The following ALCAM variants were observed in gnomAD, a reference collection of about 807,000 sequenced individuals.
ALCAM encodes activated leukocyte cell adhesion molecule, also known as CD166 antigen.
In ALCAM, 30 loss-of-function variants were observed where a neutral mutation model predicts 70.9. That is an observed-to-expected ratio of 0.42 (90% CI 0.32 to 0.57). The LOEUF (loss-of-function observed/expected upper bound fraction) is 0.57. Among genes scored for constraint, ALCAM ranks in the 20% least tolerant of loss-of-function variants. The pLI, the probability that ALCAM is intolerant of heterozygous loss-of-function variation, is 0.11. For synonymous variants in ALCAM, 249 were observed against 242.5 expected, an observed-to-expected ratio of 1.03 and a Z score of -0.25; for missense variants, 591 against 695.1, an observed-to-expected ratio of 0.85 and a Z score of 1.68.
At chr3:105,469,881 A>G (rs1937872209) in intron 1 of ALCAM, among the ~76,000 whole-genome samples, 1 of 150,860 alleles carries the variant, frequency 6.6e-6, no homozygotes, top group Non-Finnish European at 1.5e-5. Context: ...CAGTGCAATC[A>G]TCATCTCATA....
At chr3:105,519,827 A>G (rs562375187) in intron 1 of ALCAM, among the ~76,000 whole-genome samples, 5 of 152,130 alleles carry the variant, frequency 3.3e-5, no homozygotes, top group Non-Finnish European at 4.4e-5. Flanking sequence ...GAGATCTGCA[A>G]ATTTTGATTG....
intron 1 of ALCAM, among the ~76,000 whole-genome samples, chr3:105,493,991 G>A (rs918060661): frequency 1.3e-5 from 2 of 152,114 alleles, no homozygotes; most frequent in African/African-American, 4.8e-5. Flanking sequence ...GCCAGCATAC[G>A]ACCCCAGGAC....
At chr3:105,454,838 T>TTG (rs376636157) in intron 1 of ALCAM, among the ~76,000 whole-genome samples, 36 of 150,664 alleles carry the variant, frequency 2.4e-4, no homozygotes, top group East Asian at 1.0e-3. Context: ...CCCAGCTGAT[T>TTG]TGTGTGTGTG....
At chr3:105,518,568 G>A (rs1939442595) in intron 1 of ALCAM, among the ~76,000 whole-genome samples, 1 of 151,872 alleles carries the variant, frequency 6.6e-6, no homozygotes, top group Non-Finnish European at 1.5e-5. Flanking sequence ...TTTTAACAAA[G>A]TTGAATAAAA....
At chr3:105,522,723 A>C (rs1216430356) in intron 2 of ALCAM, among the ~76,000 whole-genome samples, 2 of 152,210 alleles carry the variant, frequency 1.3e-5, no homozygotes, top group African/African-American at 4.8e-5. Flanking sequence ...AAGATTTCCC[A>C]GCCAAGACCT....
At chr3:105,413,233 G>T (rs920331823) in intron 1 of ALCAM, among the ~76,000 whole-genome samples, 2 of 152,088 alleles carry the variant, frequency 1.3e-5, no homozygotes, top group Admixed American at 6.6e-5. Flanking sequence ...TGAATTAAGT[G>T]CTTCATACAG....
chr3:105,531,792 A>G (rs2152626721), intron 3 of ALCAM, among the ~76,000 whole-genome samples: 1 of 152,346 alleles, frequency 6.6e-6, no homozygotes, highest in Non-Finnish European at 1.5e-5. Context: ...CAAAGGAATT[A>G]CAAGCACTGA....
At chr3:105,546,216 C>G (rs1018609040) in intron 9 of ALCAM, among the ~76,000 whole-genome samples, 1 of 63,196 alleles carries the variant, frequency 1.6e-5, no homozygotes, top group Non-Finnish European at 4.3e-5. Flanking sequence ...ATGATGGGTT[C>G]AGAAAACAAC....
chr3:105,558,812 C>T (rs1227041391), intron 14 of ALCAM, among the ~76,000 whole-genome samples: 2 of 152,120 alleles, frequency 1.3e-5, no homozygotes, highest in Non-Finnish European at 2.9e-5. Context: ...CTGCCAGCTG[C>T]TTTCACATAC....
At chr3:105,572,043 T>C in intron 15 of ALCAM, 79 bp downstream of exon 15, 1 of 765,114 alleles carries the variant, frequency 1.3e-6, no homozygotes. Context: ...TCCTTTATGT[T>C]AAGATGCTCC....
At chr3:105,449,836 C>G (rs1208587946) in intron 1 of ALCAM, among the ~76,000 whole-genome samples, 1 of 152,124 alleles carries the variant, frequency 6.6e-6, no homozygotes, top group Non-Finnish European at 1.5e-5. Flanking sequence ...GGGAAAACCA[C>G]CAAGAGAATG....
intron 1 of ALCAM, among the ~76,000 whole-genome samples, chr3:105,424,911 A>G (rs760649046): frequency 4.6e-5 from 7 of 151,836 alleles, no homozygotes; most frequent in Non-Finnish European, 7.4e-5. Flanking sequence ...TAAATAAATC[A>G]AAATGGAATA....
At chr3:105,471,573 C>T (rs906321761) in intron 1 of ALCAM, among the ~76,000 whole-genome samples, 6 of 147,504 alleles carry the variant, frequency 4.1e-5, no homozygotes, top group Admixed American at 2.1e-4. Context: ...TGATCAGCTG[C>T]GAAGTAATAA....
chr3:105,444,270 G>A (rs1937246087), intron 1 of ALCAM, among the ~76,000 whole-genome samples: 1 of 152,204 alleles, frequency 6.6e-6, no homozygotes, highest in Non-Finnish European at 1.5e-5. Context: ...TGGACTCACA[G>A]TTCCACATGG....
At chr3:105,379,846 T>C (rs556866301) in intron 1 of ALCAM, among the ~76,000 whole-genome samples, 7 of 151,746 alleles carry the variant, frequency 4.6e-5, no homozygotes, top group Non-Finnish European at 1.0e-4. Context: ...ATTCATATAA[T>C]TCAAAAAATG....
At chr3:105,529,394 AC>A (rs1328381562) in intron 3 of ALCAM, among the ~76,000 whole-genome samples, 1 of 152,170 alleles carries the variant, frequency 6.6e-6, no homozygotes, top group Non-Finnish European at 1.5e-5. Flanking sequence ...ATTTTTTAAC[AC>A]TTTGGAATCA....
intron 1 of ALCAM, among the ~76,000 whole-genome samples, chr3:105,459,761 A>G (rs1470170942): frequency 6.6e-6 from 1 of 152,096 alleles, no homozygotes; most frequent in Non-Finnish European, 1.5e-5. Flanking sequence ...AAATGATGAC[A>G]TCATTGCTGT....
intron 1 of ALCAM, among the ~76,000 whole-genome samples, chr3:105,394,859 A>T (rs1367059950): frequency 6.6e-6 from 1 of 151,996 alleles, no homozygotes; most frequent in Admixed American, 6.6e-5. Context: ...TCAGTAGCTT[A>T]CACAAATTGC....
intron 3 of ALCAM, among the ~76,000 whole-genome samples, chr3:105,527,084 C>T (rs1157064945): frequency 6.6e-6 from 1 of 152,170 alleles, no homozygotes; most frequent in African/African-American, 2.4e-5. Context: ...ACCTATGAAT[C>T]AGCCCAAATC....
Sources: gnomAD v4.1 joint callset for allele counts (sites outside exome capture counted in the v4.1 genomes callset) on GRCh38, gnomAD v4.1.1 for gene constraint, MANE v1.5 for transcripts, NCBI Gene and HGNC (gene_info 2026-07-23, HGNC 2026-07-21) for gene names.